The following KIRREL1 variants were observed in gnomAD, a reference collection of about 807,000 sequenced individuals.
KIRREL1 encodes kirre like nephrin family adhesion molecule 1.
Under a neutral mutation model 83.3 loss-of-function variants are expected in KIRREL1, and 25 were observed. The ratio of observed to expected loss-of-function variants is 0.30; its 90% CI spans 0.22 to 0.42. The LOEUF (loss-of-function observed/expected upper bound fraction) is 0.42. Ranked by LOEUF, KIRREL1 falls within the 10% of genes least tolerant of loss-of-function variation. The pLI, the probability that KIRREL1 is intolerant of heterozygous loss-of-function variation, is 1.00. For synonymous variants in KIRREL1, 388 were observed against 410.4 expected (o/e 0.95, Z 0.66); for missense variants, 812 against 1,032.3 (o/e 0.79, Z 2.92).
chr1:158,078,148 C>G lies in KIRREL1; in HGVS notation c.352+8C>G, dbSNP rs764800246. 2 of 1,612,926 alleles carry G rather than the reference C, an allele frequency of 1.2e-6. No homozygotes were observed. The highest frequency in any genetic ancestry group is 1.7e-6 in the Non-Finnish European group (2 of 1,179,256). ...CCAAACTCACCGTGCTCAGTAAGGA[C>G]CCCAATACCCTTCAGTACTTCGAGG... On this transcript the variant is annotated splice_region_variant and intron_variant, in intron 3 of 14. Transcript: ENST00000359209.
At position 158,084,589 on chromosome 1, in the gene KIRREL1, A is replaced by G. The variant is rs927662; in HGVS notation, c.510+10A>G. 518,112 of 1,550,284 alleles carry G rather than the reference A, an allele frequency of 0.33. 90,621 individuals carry two copies. Among genetic ancestry groups the G allele is most frequent in the African/African-American group, 0.6 (44,032 of 73,050 alleles). ...CGCTGTGGCCAGCACGGTGAGCTCC[A>G]GCCAGCTCCCCCAGCTCCTCCTGGG... On this transcript the variant is annotated intron_variant, in intron 4 of 14. Coordinates refer to ENST00000359209, the MANE Select transcript of KIRREL1 (RefSeq NM_018240.7).
chr1:158,022,829 G>C (rs965374672), intron 1 of KIRREL1, among the ~76,000 whole-genome samples: 2 of 152,178 alleles, frequency 1.3e-5, no homozygotes, highest in Non-Finnish European at 2.9e-5. Context: ...TAAAGTGCCA[G>C]CGCCCTAGCC....
intron 1 of KIRREL1, among the ~76,000 whole-genome samples, chr1:158,006,793 G>A (rs553797021): frequency 1.1e-4 from 16 of 152,352 alleles, no homozygotes; most frequent in African/African-American, 3.8e-4. Flanking sequence ...CAGGCTGAGA[G>A]CAGTGCTGAC....
intron 11 of KIRREL1, among the ~76,000 whole-genome samples, chr1:158,092,788 G>T (rs920479518): frequency 6.6e-6 from 1 of 152,194 alleles, no homozygotes; most frequent in Non-Finnish European, 1.5e-5. Flanking sequence ...AACTAGGGCT[G>T]CTAGGAAGAC....
In KIRREL1 at chr1:158,100,221, T is replaced by A. The variant is rs1162217276; in HGVS notation, c.*5101T>A. ...CAAACACACTATATATTATATATAT[T>A]TAATTTTTTTATATATATAAATATA... On this transcript the variant is annotated 3_prime_UTR_variant, in exon 15 of 15. Coordinates refer to ENST00000359209, the MANE Select transcript of KIRREL1 (RefSeq NM_018240.7). 2 of 148,942 alleles carry A rather than the reference T, an allele frequency of 1.3e-5. No individual in the cohort carries two copies. The highest frequency in any genetic ancestry group is 1.3e-4 in the Admixed American group (2 of 14,896). 9.2% of individuals were successfully genotyped at this position (148,942 alleles called of 1,614,324 possible).
intron 6 of KIRREL1, 27 bp from the exon 7 acceptor site, chr1:158,087,979 C>G (rs1232687694): frequency 1.2e-6 from 2 of 1,613,758 alleles, no homozygotes; most frequent in Admixed American, 1.7e-5. Flanking sequence ...AGGCCTGATC[C>G]CACCTCTGTG....
chr1:158,077,876 C>A, intron 2 of KIRREL1, 115 bp from the exon 3 acceptor site: 1 of 1,230,658 alleles, frequency 8.1e-7, no homozygotes, highest in Non-Finnish European at 1.2e-6. Flanking sequence ...TGGGGCCTCA[C>A]CTTCTCACCT....
intron 1 of KIRREL1, among the ~76,000 whole-genome samples, chr1:158,040,315 G>A (rs1660591723): frequency 6.6e-6 from 1 of 152,178 alleles, no homozygotes; most frequent in African/African-American, 2.4e-5. Flanking sequence ...GCTGAGAAAT[G>A]CCATAAAGCA....
intron 1 of KIRREL1, among the ~76,000 whole-genome samples, chr1:158,033,892 T>C (rs1322475235): frequency 2.0e-5 from 3 of 151,448 alleles, no homozygotes; most frequent in Non-Finnish European, 4.4e-5. Context: ...GGCAGGAGAA[T>C]TGCTTGAACC....
chr1:158,100,188 T>C lies in KIRREL1; in HGVS notation c.*5068T>C, dbSNP rs569534685. 7 of 149,952 alleles carry C rather than the reference T, an allele frequency of 4.7e-5. No homozygotes were observed. The East Asian group carries it at 1.4e-3, about 29-fold the overall frequency. 9.3% of individuals were successfully genotyped at this position (149,952 alleles called of 1,614,324 possible). ...TTTTAAAAATATTATGTACTATATT[T>C]TTAGTCTCAAACACACTATATATTA... is the stretch of plus-strand genomic sequence containing the variant. On this transcript the variant is annotated 3_prime_UTR_variant, in exon 15 of 15. Transcript: ENST00000359209.
intron 5 of KIRREL1, 46 bp downstream of exon 5, chr1:158,086,792 G>T: frequency 6.6e-7 from 1 of 1,525,116 alleles, no homozygotes; most frequent in Non-Finnish European, 8.9e-7. Flanking sequence ...GGTGGAAGAA[G>T]GGGTGTGTTT....
At chr1:158,092,290 T>C (rs114891443) in intron 11 of KIRREL1, among the ~76,000 whole-genome samples, 2,403 of 152,092 alleles carry the variant, frequency 0.016, 68 homozygotes, top group African/African-American at 0.055. Context: ...AACTAACCAT[T>C]TGACATAGGA....
chr1:158,035,824 T>G (rs1441107910), intron 1 of KIRREL1, among the ~76,000 whole-genome samples: 2 of 152,202 alleles, frequency 1.3e-5, no homozygotes, highest in Admixed American at 1.3e-4. Context: ...TTAGCCACAG[T>G]CTATGTCCTA....
intron 1 of KIRREL1, among the ~76,000 whole-genome samples, chr1:158,018,150 G>T (rs1659886728): frequency 6.6e-6 from 1 of 152,132 alleles, no homozygotes; most frequent in African/African-American, 2.4e-5. Flanking sequence ...GGAATATGCT[G>T]AGAGGAAGAA....
At chr1:158,080,623 C>G (rs930244600) in intron 3 of KIRREL1, among the ~76,000 whole-genome samples, 2 of 152,184 alleles carry the variant, frequency 1.3e-5, no homozygotes, top group African/African-American at 4.8e-5. Flanking sequence ...GTTAGTGCAG[C>G]TGGAGGGGCT....
At chr1:158,070,323 G>A (rs1213012897) in intron 1 of KIRREL1, among the ~76,000 whole-genome samples, 2 of 152,184 alleles carry the variant, frequency 1.3e-5, no homozygotes, top group African/African-American at 4.8e-5. Context: ...CCACTTAACA[G>A]CTGTACCTTA....
At chr1:158,084,988 G>A (rs1322983827) in intron 4 of KIRREL1, among the ~76,000 whole-genome samples, 1 of 152,174 alleles carries the variant, frequency 6.6e-6, no homozygotes, top group African/African-American at 2.4e-5. Flanking sequence ...TCACACAGCT[G>A]GCACAGAGCG....
chr1:158,024,119 T>C (rs1416173272), intron 1 of KIRREL1, among the ~76,000 whole-genome samples: 1 of 152,004 alleles, frequency 6.6e-6, no homozygotes, highest in Non-Finnish European at 1.5e-5. Flanking sequence ...GGCTAATTTT[T>C]TGTATTTTTG....
rs567537860 is a variant in KIRREL1, at chr1:158,098,845, G to A, written c.*3725G>A. 6.6e-6 allele frequency: 1 copy of A among 152,282 alleles called. No homozygotes were observed. Among genetic ancestry groups the A allele is most frequent in the African/African-American group, 2.4e-5 (1 of 41,540 alleles). The allele number at this position is 152,282 out of a possible 1,614,324, so 9.4% of individuals were successfully genotyped here. On this transcript the variant is annotated 3_prime_UTR_variant, in exon 15 of 15. Transcript: ENST00000359209. ...TACTTTCCTCTTCACTCTGATGAGGGGAGCTTTATCTGCTTTCAAAATGGA... is the reference window on the plus strand; with the variant it reads ...TACTTTCCTCTTCACTCTGATGAGGAGAGCTTTATCTGCTTTCAAAATGGA...
Sources: gnomAD v4.1 joint callset for allele counts (sites outside exome capture counted in the v4.1 genomes callset) on GRCh38, gnomAD v4.1.1 for gene constraint, MANE v1.5 for transcripts, NCBI Gene and HGNC (gene_info 2026-07-23, HGNC 2026-07-21) for gene names.